PLA1A: variants seen among roughly 807,000 people sequenced by gnomAD.
PLA1A encodes phosphatidylserine-specific phospholipase A1alpha.
A neutral mutation model predicts 49.4 loss-of-function variants in PLA1A; 47 were observed. The observed-to-expected ratio is 0.95, with a 90% CI of 0.75 to 1.21. The LOEUF is 1.21. Among genes scored for constraint, PLA1A ranks in the 50% most tolerant of loss-of-function variants. PLA1A has a pLI of 0.00. For missense variants in PLA1A, 561 were observed against 563.9 expected (o/e 0.99, Z 0.05); for synonymous variants, 224 against 207.9 (o/e 1.08, Z -0.67).
chr3:119,606,527 A>G (rs80004360), intron 1 of PLA1A, among the ~76,000 whole-genome samples: 58 of 152,308 alleles, frequency 3.8e-4, no homozygotes, highest in African/African-American at 1.2e-3. Flanking sequence ...ATGGCCTTTA[A>G]TCTCATCTAG....
At chr3:119,614,633 A>T (rs1482529616) in intron 5 of PLA1A, among the ~76,000 whole-genome samples, 5 of 150,280 alleles carry the variant, frequency 3.3e-5, no homozygotes, top group African/African-American at 1.2e-4. Context: ...AAAAAAAGTG[A>T]ATCCTTTCTA....
At chr3:119,600,484 TG>T in intron 1 of PLA1A, 1 of 691,126 alleles carries the variant, frequency 1.4e-6, no homozygotes, top group Non-Finnish European at 2.6e-6. Context: ...CTGTGGGGCC[TG>T]CTTATTTTCC....
intron 5 of PLA1A, among the ~76,000 whole-genome samples, chr3:119,613,859 C>T (rs1013225663): frequency 7.3e-5 from 11 of 151,668 alleles, no homozygotes; most frequent in South Asian, 2.1e-4. Flanking sequence ...CGCTACTGCA[C>T]GCCAGCCTGA....
intron 1 of PLA1A, chr3:119,600,132 C>T (rs2082597842): frequency 6.3e-6 from 3 of 475,402 alleles, no homozygotes; most frequent in South Asian, 9.2e-5. Context: ...CTCAAATGAT[C>T]GGGAGGGAGG....
chr3:119,622,057 G>A (rs1164957209), intron 8 of PLA1A, among the ~76,000 whole-genome samples: 1 of 147,440 alleles, frequency 6.8e-6, no homozygotes, highest in Non-Finnish European at 1.5e-5. Context: ...ATTCCAGCCT[G>A]GGCAAGAGAG....
Position 119,605,286 on chromosome 3 carries a change from T to C in PLA1A, c.74-1488T>C, listed in dbSNP as rs1001305652. Among the ~76,000 whole-genome samples the C allele has an allele frequency of 2.0e-5, 3 of 152,150 alleles. No individual in the cohort carries two copies. In the East Asian group the frequency reaches 5.8e-4, roughly 29 times the overall value. ...TGCTTGGTCTGCCTCTGCAAGGGGATTGAGGACAAAGTCTGGGGCTCAGAA... is the reference window on the plus strand; with the variant it reads ...TGCTTGGTCTGCCTCTGCAAGGGGACTGAGGACAAAGTCTGGGGCTCAGAA... On this transcript the variant is annotated intron_variant, in intron 1 of 10. Coordinates refer to ENST00000273371, the MANE Select transcript of PLA1A (RefSeq NM_015900.4).
intron 3 of PLA1A, among the ~76,000 whole-genome samples, chr3:119,609,163 C>T (rs1232321538): frequency 3.9e-5 from 6 of 152,170 alleles, no homozygotes; most frequent in South Asian, 2.1e-4. Flanking sequence ...TAAAATGTGT[C>T]GTGGCACTTT....
intron 1 of PLA1A, among the ~76,000 whole-genome samples, chr3:119,598,188 C>T (rs2082567387): frequency 6.6e-6 from 1 of 152,082 alleles, no homozygotes; most frequent in Non-Finnish European, 1.5e-5. Flanking sequence ...TGAACTTTCC[C>T]TGGTTATCCG....
At chr3:119,598,572 T>G (rs1326163556) in intron 1 of PLA1A, 1 of 152,272 alleles carries the variant, frequency 6.6e-6, no homozygotes, top group East Asian at 1.9e-4. Context: ...AACAGAAAAT[T>G]AACCTGCTCT....
chr3:119,606,896 C>A lies in PLA1A; in HGVS notation c.196C>A (p.Leu66Ile). The change falls in exon 2 of 11, where the codon CTA (leucine) becomes ATA (isoleucine). Residue 66 changes from leucine (L) to isoleucine (I), a missense_variant. Transcript: ENST00000273371. ...FVPSNPSCGQ[L>I]VEGSSDLQNS... The stretch of plus-strand genomic sequence containing the variant: ...CCCTTCGAATCCTAGCTGTGGGCAG[C>A]TAGTAGAAGGAAGCAGTGACCTCCA... 6.2e-7 allele frequency: 1 copy of A among 1,614,118 alleles called. No homozygotes were observed. Among genetic ancestry groups the A allele is most frequent in the Non-Finnish European group, 8.5e-7 (1 of 1,179,972 alleles).
In PLA1A at chr3:119,618,130, T is replaced by A. The variant is rs746874424; in HGVS notation, c.866T>A (p.Leu289His). Residue 289 changes from leucine (L) to histidine (H), a missense_variant, in exon 7 of 11, where the codon CTT becomes CAT. By Grantham distance (99) the Leu-to-His change is moderately conservative. Coordinates refer to ENST00000273371, the MANE Select transcript of PLA1A (RefSeq NM_015900.4). ...CCCTGTGCCAGCTACAAGGCCTTCC[T>A]TGCTGGACGCTGTCTGGATTGCTTT... The part of the protein sequence containing the change: ...AFPCASYKAF[L>H]AGRCLDCFNP... 1.2e-6 allele frequency: 2 copies of A among 1,614,206 alleles called. No individual in the cohort carries two copies. The highest frequency in any genetic ancestry group is 3.3e-5 in the Admixed American group (2 of 60,032).
At chr3:119,627,860 A>AT (rs1464627807) in intron 9 of PLA1A, among the ~76,000 whole-genome samples, 3 of 152,172 alleles carry the variant, frequency 2.0e-5, no homozygotes, top group Non-Finnish European at 4.4e-5. Flanking sequence ...GAATCTCACG[A>AT]TTTTTTGCTT....
Position 119,628,804 on chromosome 3 carries a change from A to C in PLA1A, c.1225A>C (p.Lys409Gln). Reference sequence around the variant, plus strand: ...GTTTCAGTCTTCCAACCGAGTTTGGAAAAAAGACCGGACTACCATTATTGG... The same window carrying C: ...GTTTCAGTCTTCCAACCGAGTTTGGCAAAAAGACCGGACTACCATTATTGG... ...FKFQSSNRVW[K>Q]KDRTTIIGKF... The change falls in exon 10 of 11, where the codon AAA becomes CAA. Residue 409 changes from lysine (K) to glutamine (Q), a missense_variant. Physicochemically the swap from Lys to Gln is moderately conservative, Grantham distance 53. Transcript: ENST00000273371. The C allele has an allele frequency of 2.5e-6, 4 of 1,614,082 alleles. No individual in the cohort carries two copies. Among genetic ancestry groups the C allele is most frequent in the Non-Finnish European group, 3.4e-6 (4 of 1,179,894 alleles).
At chr3:119,609,358 G>A in intron 3 of PLA1A, 110 bp from the exon 4 acceptor site, 2 of 785,094 alleles carry the variant, frequency 2.5e-6, no homozygotes, top group East Asian at 2.4e-5. Context: ...AAGTGTGGTG[G>A]GTGTGTCATG....
At chr3:119,621,250 G>A (rs545652501) in intron 8 of PLA1A, among the ~76,000 whole-genome samples, 1 of 152,176 alleles carries the variant, frequency 6.6e-6, no homozygotes, top group Admixed American at 6.5e-5. Context: ...TGCTGAGGGG[G>A]TTCACAGGGC....
chr3:119,618,297 G>A, intron 7 of PLA1A, 111 bp downstream of exon 7: 1 of 1,017,586 alleles, frequency 9.8e-7, no homozygotes, highest in Non-Finnish European at 1.5e-6. Flanking sequence ...TATCCAATTT[G>A]GGAAAAGAAA....
intron 1 of PLA1A, chr3:119,600,445 C>T: frequency 2.8e-6 from 2 of 702,382 alleles, no homozygotes; most frequent in Non-Finnish European, 5.2e-6. Context: ...ACCTATGTTT[C>T]CTGGTCACAG....
chr3:119,601,626 G>T (rs1193263198), intron 1 of PLA1A, among the ~76,000 whole-genome samples: 1 of 152,184 alleles, frequency 6.6e-6, no homozygotes, highest in Admixed American at 6.5e-5. Flanking sequence ...CTATTTATCA[G>T]CTTCAAATAC....
intron 5 of PLA1A, among the ~76,000 whole-genome samples, chr3:119,615,176 G>A (rs766566868): frequency 2.6e-4 from 40 of 152,154 alleles, no homozygotes; most frequent in Admixed American, 2.0e-3. Flanking sequence ...GGAGAAAGTC[G>A]GGGTCTTCAG....
Sources: allele counts gnomAD v4.1 joint callset (sites outside exome capture counted in the v4.1 genomes callset), GRCh38; gene constraint gnomAD v4.1.1; transcripts MANE v1.5; gene names NCBI Gene and HGNC (gene_info 2026-07-23, HGNC 2026-07-21).